Variants in NFATC2 observed in about 807,000 individuals in gnomAD.
The protein encoded by NFATC2 is nuclear factor of activated T-cells, cytoplasmic 2.
NFATC2 carries 22 observed loss-of-function variants against 87.3 expected under a neutral mutation model. The ratio of observed to expected loss-of-function variants is 0.25; its 90% CI spans 0.18 to 0.36. The LOEUF is 0.36. NFATC2 is among the 10% of genes least tolerant of loss of function. The pLI, the probability that NFATC2 is intolerant of heterozygous loss-of-function variation, is 1.00. For synonymous variants in NFATC2, 565 were observed against 542.2 expected (o/e 1.04, Z -0.58); for missense variants, 1,149 against 1,259.1 (o/e 0.91, Z 1.32).
At chr20:51,446,257 TG>T (rs1363608407) in intron 6 of NFATC2, among the ~76,000 whole-genome samples, 11 of 152,324 alleles carry the variant, frequency 7.2e-5, no homozygotes, top group South Asian at 4.1e-4. Flanking sequence ...GAAACCAACA[TG>T]GCTCTGCCCT....
intron 1 of NFATC2, among the ~76,000 whole-genome samples, chr20:51,547,901 T>C (rs1018532919): frequency 1.3e-5 from 2 of 152,192 alleles, no homozygotes; most frequent in African/African-American, 4.8e-5. Flanking sequence ...GCCTTCATTA[T>C]TTCTTACTTG....
chr20:51,401,088 G>A (rs1199233057), intron 9 of NFATC2, among the ~76,000 whole-genome samples: 1 of 152,214 alleles, frequency 6.6e-6, no homozygotes, highest in African/African-American at 2.4e-5. Context: ...AGATGCTATA[G>A]GCCAGGCACA....
intron 5 of NFATC2, among the ~76,000 whole-genome samples, chr20:51,469,913 C>T (rs1440772234): frequency 4.6e-5 from 7 of 152,210 alleles, no homozygotes; most frequent in Non-Finnish European, 8.8e-5. Flanking sequence ...TTTCAAGCCA[C>T]CTGGTTTGCA....
intron 8 of NFATC2, among the ~76,000 whole-genome samples, chr20:51,433,052 G>C (rs901346814): frequency 2.6e-5 from 4 of 152,280 alleles, no homozygotes; most frequent in Middle Eastern, 3.4e-3. Flanking sequence ...CCAGGTGACA[G>C]CTCAGAGGAG....
chr20:51,519,914 TAAAAA>T (rs764620449), intron 2 of NFATC2, among the ~76,000 whole-genome samples: 1 of 128,488 alleles, frequency 7.8e-6, no homozygotes, highest in African/African-American at 2.9e-5. Context: ...AGACTCCATC[TAAAAA>T]AAAAAAAAAA....
chr20:51,496,236 A>G lies in NFATC2; in HGVS notation c.1332+20548T>C, dbSNP rs554451108. Among the ~76,000 whole-genome samples, 25 of 152,246 alleles carry G rather than the reference A, an allele frequency of 1.6e-4. No homozygotes were observed. In the South Asian group the frequency reaches 3.9e-3, roughly 24 times the overall value. On this transcript the variant is annotated intron_variant, in intron 3 of 10. Coordinates refer to ENST00000371564, the MANE Select transcript of NFATC2 (RefSeq NM_012340.5). ...ATTGTTGCCAGATCTTCTGATTGTT[A>G]GAAATCCAACTTGGTATGAGAAATT...
chr20:51,504,999 CTTTTTTTTTTTTTTTTTTT>C (rs34489487), intron 3 of NFATC2, among the ~76,000 whole-genome samples: 3 of 72,484 alleles, frequency 4.1e-5, no homozygotes, highest in African/African-American at 1.9e-4. Flanking sequence ...TATCTAGTTC[CTTTTTTTTTTTTTTTTTTT>C]TTTTTTTTTT....
chr20:51,406,335 T>C (rs1214022917), intron 9 of NFATC2, among the ~76,000 whole-genome samples: 1 of 151,984 alleles, frequency 6.6e-6, no homozygotes, highest in Non-Finnish European at 1.5e-5. Flanking sequence ...TTTATCAGGG[T>C]TGGGCAGTAG....
chr20:51,558,657 G>A (rs1191701192), intron 1 of NFATC2, among the ~76,000 whole-genome samples: 7 of 152,264 alleles, frequency 4.6e-5, no homozygotes, highest in South Asian at 2.1e-4. Flanking sequence ...TCTACTGCCT[G>A]GGACCCTCCC....
At chr20:51,398,570 TAAA>T (rs11086333) in intron 10 of NFATC2, 70 bp downstream of exon 10, 906 of 852,638 alleles carry the variant, frequency 1.1e-3, no homozygotes, top group East Asian at 1.7e-3. Flanking sequence ...ATACTTTACT[TAAA>T]AAAAAAAAAA....
In NFATC2 at chr20:51,432,253, G is replaced by A. The variant is rs201968807; in HGVS notation, c.2536C>T (p.Pro846Ser). 1,087 of 1,614,216 alleles carry A rather than the reference G, an allele frequency of 6.7e-4. 17 individuals carry two copies. The South Asian group carries it at 0.011, about 17-fold the overall frequency. Residue 846 changes from proline to serine, a missense_variant, in exon 9 of 11, where the codon CCG (proline) becomes TCG (serine). Pro to Ser is a moderately conservative substitution (Grantham distance 74). This residue lies in a region of NFATC2 where 581 missense variants were observed against 649.7 expected (regional missense o/e 0.89). Transcript: ENST00000371564. The surrounding 1 kb of genome is among the most constrained non-coding windows in gnomAD (Gnocchi z 4.6). ...CTCTGACCTTGACTGACCGGGGGCG[G>A]GCCAGGTCTGGTGGTGCCTGGTGCG... ...NFAPGTTRPG[P>S]PPVSQGQRLS...
intron 3 of NFATC2, among the ~76,000 whole-genome samples, chr20:51,506,390 T>C (rs1236507191): frequency 2.6e-5 from 4 of 152,112 alleles, no homozygotes; most frequent in East Asian, 1.9e-4. Flanking sequence ...CGGCCCATAG[T>C]CTTCTAGGAG....
chr20:51,412,307 CA>C (rs1979373498), intron 9 of NFATC2, among the ~76,000 whole-genome samples: 2 of 152,272 alleles, frequency 1.3e-5, no homozygotes, highest in East Asian at 3.9e-4. Flanking sequence ...GGTCTGCGAC[CA>C]AAAGGGGTGG....
intron 6 of NFATC2, among the ~76,000 whole-genome samples, chr20:51,445,551 A>G (rs1381144505): frequency 1.3e-5 from 2 of 152,232 alleles, no homozygotes; most frequent in East Asian, 3.9e-4. Context: ...TATAGAACAT[A>G]CTTTTACTAA....
At chr20:51,489,761 A>T (rs1285516651) in intron 3 of NFATC2, among the ~76,000 whole-genome samples, 1 of 152,242 alleles carries the variant, frequency 6.6e-6, no homozygotes, top group Non-Finnish European at 1.5e-5. Context: ...GAGTCAGATG[A>T]TTCAACTGCT....
chr20:51,481,592 C>A (rs1006674006), intron 3 of NFATC2, among the ~76,000 whole-genome samples: 2 of 152,070 alleles, frequency 1.3e-5, no homozygotes, highest in Non-Finnish European at 1.5e-5. Context: ...GCTGAATGCA[C>A]GGGAGGGGAG....
At chr20:51,541,434 G>A (rs1376568823) in intron 1 of NFATC2, among the ~76,000 whole-genome samples, 1 of 152,182 alleles carries the variant, frequency 6.6e-6, no homozygotes, top group Non-Finnish European at 1.5e-5. Context: ...TGGGCGTGTG[G>A]CCGCTTCCCC....
rs1445250692 is a variant in NFATC2 at position 51,516,975 on chromosome 20, C to T, written c.1161-20G>A. The T allele has an allele frequency of 6.3e-7, 1 of 1,593,488 alleles. No homozygotes were observed. Among genetic ancestry groups the T allele is most frequent in the Non-Finnish European group, 8.6e-7 (1 of 1,169,316 alleles). ...GGGATGCTAAAGGAGAAAATAAAAT[C>T]AGCCATGTGTGCAATAAACCAAAAT... On this transcript the variant is annotated intron_variant, in intron 2 of 10. Transcript: ENST00000371564.
intron 10 of NFATC2, among the ~76,000 whole-genome samples, chr20:51,397,328 G>A (rs1568924156): frequency 6.6e-6 from 1 of 152,234 alleles, no homozygotes; most frequent in Admixed American, 6.5e-5. Flanking sequence ...GAGGCTCAGT[G>A]AAAAGAACAT....
Sources: allele counts gnomAD v4.1 joint callset (sites outside exome capture counted in the v4.1 genomes callset), GRCh38; gene constraint gnomAD v4.1.1; regional missense constraint gnomAD v4.1.1; non-coding constraint Gnocchi (gnomAD v3.1); transcripts MANE v1.5; gene names NCBI Gene and HGNC (gene_info 2026-07-23, HGNC 2026-07-21).